The following KIAA0232 variants were observed in gnomAD, a reference collection of about 807,000 sequenced individuals.
The protein encoded by KIAA0232 is uncharacterized protein KIAA0232.
A neutral mutation model predicts 122.0 loss-of-function variants in KIAA0232; 27 were observed. The observed-to-expected ratio is 0.22, with a 90% CI of 0.16 to 0.31. The LOEUF is 0.31. Among genes scored for constraint, KIAA0232 ranks in the 10% least tolerant of loss-of-function variants. KIAA0232 has a pLI of 1.00. For synonymous variants in KIAA0232, 613 were observed against 587.6 expected, an observed-to-expected ratio of 1.04 and a Z score of -0.63; for missense variants, 1,551 against 1,634.2, an observed-to-expected ratio of 0.95 and a Z score of 0.88.
chr4:6,790,269 G>A (rs1311601163), intron 1 of KIAA0232, among the ~76,000 whole-genome samples: 3 of 150,636 alleles, frequency 2.0e-5, no homozygotes, highest in Admixed American at 6.6e-5. Flanking sequence ...GTTGCCCCTG[G>A]TTGAATAGGG....
At chr4:6,844,085 G>A (rs529014307) in intron 4 of KIAA0232, among the ~76,000 whole-genome samples, 4 of 151,166 alleles carry the variant, frequency 2.6e-5, no homozygotes, top group Non-Finnish European at 5.9e-5. Flanking sequence ...GACTACAGGC[G>A]CCCGCCACCA....
At chr4:6,856,224 G>C (rs1720561160) in intron 4 of KIAA0232, among the ~76,000 whole-genome samples, 1 of 152,174 alleles carries the variant, frequency 6.6e-6, no homozygotes, top group African/African-American at 2.4e-5. Context: ...TCAAGGCCTA[G>C]TGAGGGCACT....
rs564089393 is a variant in KIAA0232 at position 6,818,169 on chromosome 4, G to A, written c.-269-6016G>A. Among the ~76,000 whole-genome samples, 14 of 152,168 alleles carry A rather than the reference G, an allele frequency of 9.2e-5. No individual in the cohort carries two copies. In the East Asian group the frequency reaches 1.9e-3, roughly 21 times the overall value. ...TGTAATTGTAGCACTTTGGGAGGCC[G>A]AGGCTGGTGGATCACGAGGTCAGGA... On this transcript the variant is annotated intron_variant, in intron 2 of 9. Transcript: ENST00000307659.
At chr4:6,793,479 C>G (rs1473006230) in intron 1 of KIAA0232, among the ~76,000 whole-genome samples, 1 of 152,164 alleles carries the variant, frequency 6.6e-6, no homozygotes, top group Non-Finnish European at 1.5e-5. Context: ...GCGAAACAGC[C>G]TAAGTTTCAG....
chr4:6,862,639 TATGTAG>T lies in KIAA0232; in HGVS notation c.2261_2266del (p.Val754_Asp755del). On this transcript the variant is annotated inframe_deletion, in exon 7 of 10. Transcript: ENST00000307659. ...TGTAGTTCCTAGAGTCTCGTCAAAT[TATGTAG>T]ATGAAGAACTTCTAGATTTTTTGCA... 4.3e-6 allele frequency: 7 copies of T among 1,613,224 alleles called. No homozygotes were observed. Among genetic ancestry groups the T allele is most frequent in the Non-Finnish European group, 5.1e-6 (6 of 1,179,804 alleles).
At chr4:6,814,324 C>A (rs989429719) in intron 2 of KIAA0232, among the ~76,000 whole-genome samples, 2 of 151,544 alleles carry the variant, frequency 1.3e-5, no homozygotes, top group Non-Finnish European at 2.9e-5. Flanking sequence ...AGAGGAAAGG[C>A]CCTGATAGGA....
chr4:6,823,558 T>A (rs555862914), intron 2 of KIAA0232, among the ~76,000 whole-genome samples: 27 of 152,316 alleles, frequency 1.8e-4, no homozygotes, highest in African/African-American at 5.8e-4. Context: ...TACAAAGTAA[T>A]TGATTACTTA....
intron 2 of KIAA0232, among the ~76,000 whole-genome samples, chr4:6,813,033 A>G (rs1577366122): frequency 6.6e-6 from 1 of 152,198 alleles, no homozygotes; most frequent in Non-Finnish European, 1.5e-5. Flanking sequence ...AAACTGAACT[A>G]TAGATAGTAT....
chr4:6,834,382 G>A (rs1296876418), intron 3 of KIAA0232, among the ~76,000 whole-genome samples: 2 of 152,176 alleles, frequency 1.3e-5, no homozygotes, highest in Non-Finnish European at 2.9e-5. Flanking sequence ...CAAAGTAAGT[G>A]CTCAGTAAAT....
intron 7 of KIAA0232, among the ~76,000 whole-genome samples, chr4:6,866,909 G>A (rs747641005): frequency 8.5e-5 from 13 of 152,242 alleles, no homozygotes; most frequent in African/African-American, 2.9e-4. Flanking sequence ...TTATTCATAT[G>A]GTTCAAATTC....
intron 3 of KIAA0232, among the ~76,000 whole-genome samples, chr4:6,834,492 C>G (rs1719163763): frequency 6.6e-6 from 1 of 152,188 alleles, no homozygotes; most frequent in South Asian, 2.1e-4. Context: ...TAGGCTAATG[C>G]ATTTGTTAGA....
Position 6,862,311 on chromosome 4 carries a change from T to C in KIAA0232, c.1929T>C (p.Gly643=), listed in dbSNP as rs756209131. The C allele has an allele frequency of 1.2e-6, 2 of 1,614,174 alleles. No homozygotes were observed. Among genetic ancestry groups the C allele is most frequent in the South Asian group, 1.1e-5 (1 of 91,084 alleles). ...ELFSDINEGS[G]INSCFSVFEV... ...TTTCAGATATTAATGAAGGATCTGG[T>C]ATAAACTCTTGTTTTTCAGTGTTTG... is the stretch of plus-strand genomic sequence containing the variant. Residue 643 remains glycine, a synonymous_variant, in exon 7 of 10, where the codon GGT becomes GGC. Transcript: ENST00000307659.
At chr4:6,851,902 G>C (rs964857963) in intron 4 of KIAA0232, among the ~76,000 whole-genome samples, 1 of 152,090 alleles carries the variant, frequency 6.6e-6, no homozygotes, top group Admixed American at 6.6e-5. Flanking sequence ...AGCAGGTCTC[G>C]TAAGTCCAGA....
intron 4 of KIAA0232, among the ~76,000 whole-genome samples, chr4:6,850,950 G>T (rs1017486596): frequency 1.3e-5 from 2 of 152,204 alleles, no homozygotes; most frequent in Admixed American, 6.5e-5. Context: ...TTACAGGCGT[G>T]AGCCACCATG....
intron 1 of KIAA0232, among the ~76,000 whole-genome samples, chr4:6,796,018 C>T (rs1717119204): frequency 1.3e-5 from 2 of 152,052 alleles, no homozygotes; most frequent in Non-Finnish European, 2.9e-5. Context: ...GAGCAGCCAG[C>T]GGAGGAGCCA....
At chr4:6,793,738 C>T (rs962725806) in intron 1 of KIAA0232, among the ~76,000 whole-genome samples, 7 of 152,086 alleles carry the variant, frequency 4.6e-5, no homozygotes, top group East Asian at 3.9e-4. Flanking sequence ...ACTGGTTAAC[C>T]GTTCTAATCT....
chr4:6,877,351 T>A (rs1721812232), intron 9 of KIAA0232, among the ~76,000 whole-genome samples: 1 of 152,252 alleles, frequency 6.6e-6, no homozygotes, highest in Non-Finnish European at 1.5e-5. Context: ...CCGCCTGGTT[T>A]AGTCTCGTCT....
chr4:6,860,935 C>A lies in KIAA0232; in HGVS notation c.553C>A (p.Pro185Thr). The change falls in exon 7 of 10, where the codon CCA becomes ACA. Residue 185 changes from proline to threonine, a missense_variant. This residue lies in a region of KIAA0232 where 377 missense variants were observed against 381.7 expected (regional missense o/e 0.99). Transcript: ENST00000307659. ...AGCATTTCCACCACTTTCTGAGAAA[C>A]CAGTTTGCCTGCAAGAAATCATGAC... is the stretch of plus-strand genomic sequence containing the variant. ...YEAFPPLSEK[P>T]VCLQEIMTVW... 6.2e-7 allele frequency: 1 copy of A among 1,613,898 alleles called. No homozygotes were observed. Among genetic ancestry groups the A allele is most frequent in the Non-Finnish European group, 8.5e-7 (1 of 1,179,918 alleles).
At chr4:6,825,074 G>T (rs1269689377) in intron 3 of KIAA0232, among the ~76,000 whole-genome samples, 4 of 152,136 alleles carry the variant, frequency 2.6e-5, no homozygotes, top group Non-Finnish European at 5.9e-5. Flanking sequence ...TATACTTCTT[G>T]CCTTCCAAAT....
Sources: gnomAD v4.1 joint callset for allele counts (sites outside exome capture counted in the v4.1 genomes callset) on GRCh38, gnomAD v4.1.1 for gene constraint, gnomAD v4.1.1 regional missense constraint, MANE v1.5 for transcripts, NCBI Gene and HGNC (gene_info 2026-07-23, HGNC 2026-07-21) for gene names.